AFDN: variants seen among roughly 807,000 people sequenced by gnomAD.
AFDN encodes afadin, adherens junction formation factor, also known as afadin.
Under a neutral mutation model 216.6 loss-of-function variants are expected in AFDN, and 68 were observed. The observed-to-expected ratio is 0.31, with a 90% CI of 0.26 to 0.38. The LOEUF is 0.38. Ranked by LOEUF, AFDN falls within the 10% of genes least tolerant of loss-of-function variation. AFDN has a pLI of 1.00. For missense variants in AFDN, 2,136 were observed against 2,342.0 expected, an observed-to-expected ratio of 0.91 and a Z score of 1.82; for synonymous variants, 868 against 853.7, an observed-to-expected ratio of 1.02 and a Z score of -0.29.
intron 11 of AFDN, among the ~76,000 whole-genome samples, chr6:167,900,955 CT>C (rs897663143): frequency 1.3e-5 from 2 of 152,166 alleles, no homozygotes; most frequent in Non-Finnish European, 2.9e-5. Flanking sequence ...ATTATTTGGC[CT>C]TTAGTAAAAA....
At chr6:167,886,333 A>G (rs997823417) in intron 6 of AFDN, among the ~76,000 whole-genome samples, 1 of 152,200 alleles carries the variant, frequency 6.6e-6, no homozygotes, top group African/African-American at 2.4e-5. Context: ...GAAATTTTAA[A>G]ATTTATACTT....
At chr6:167,937,842 T>G (rs1794198003) in intron 23 of AFDN, among the ~76,000 whole-genome samples, 1 of 152,248 alleles carries the variant, frequency 6.6e-6, no homozygotes, top group Admixed American at 6.5e-5. Context: ...CGGTTGCTTC[T>G]TAACTTACTA....
chr6:167,837,207 T>G lies in AFDN; in HGVS notation c.105+9970T>G, dbSNP rs536039364. On this transcript the variant is annotated intron_variant, in intron 1 of 33. Transcript: ENST00000683244. ...TTAAAGTATATTCTTGCAAATATGA[T>G]TAGACATGAAGGAGCTAGTATGTTT... is the stretch of plus-strand genomic sequence containing the variant. 3.9e-5 allele frequency among the ~76,000 whole-genome samples: 6 copies of G among 152,310 alleles called. No homozygotes were observed. In the South Asian group the frequency reaches 1.2e-3, roughly 32 times the overall value.
In AFDN at chr6:167,951,738, T is replaced by C; in HGVS notation, c.4384T>C (p.Ser1462Pro). Reference protein sequence around the residue: ...RTQSLNPAPFSPLTAQQMKPE... With the variant: ...RTQSLNPAPFPPLTAQQMKPE... The stretch of plus-strand genomic sequence containing the variant: ...TCAGTCCTTAAACCCTGCTCCGTTT[T>C]CTCCCCTGACTGCACAGCAGATGAA... Residue 1462 changes from serine to proline, a missense_variant, in exon 30 of 34, where the codon TCT becomes CCT. This residue lies in a region of AFDN where 981 missense variants were observed against 966.0 expected (regional missense o/e 1.02). Transcript: ENST00000683244. The surrounding 1 kb of genome is among the most constrained non-coding windows in gnomAD (Gnocchi z 7.1). The C allele has an allele frequency of 6.2e-7, 1 of 1,614,010 alleles. No individual in the cohort carries two copies. Among genetic ancestry groups the C allele is most frequent in the Non-Finnish European group, 8.5e-7 (1 of 1,179,976 alleles).
intron 8 of AFDN, among the ~76,000 whole-genome samples, chr6:167,893,361 A>ACT (rs1237359528): frequency 6.6e-6 from 1 of 152,206 alleles, no homozygotes; most frequent in Non-Finnish European, 1.5e-5. Flanking sequence ...ATGGATAAGT[A>ACT]CTGTATTTCC....
At chr6:167,923,799 A>T (rs546536408) in intron 22 of AFDN, among the ~76,000 whole-genome samples, 15 of 151,488 alleles carry the variant, frequency 9.9e-5, no homozygotes, top group Non-Finnish European at 4.4e-5. Flanking sequence ...ATTTTTTTGA[A>T]TTTTTAGTAG....
At chr6:167,901,762 GT>G (rs1309955674) in intron 11 of AFDN, among the ~76,000 whole-genome samples, 2 of 151,630 alleles carry the variant, frequency 1.3e-5, no homozygotes, top group African/African-American at 2.4e-5. Flanking sequence ...AAATAACCTG[GT>G]TTTTTATGTT....
At chr6:167,859,422 CAA>C (rs1216474461) in intron 1 of AFDN, among the ~76,000 whole-genome samples, 1 of 152,146 alleles carries the variant, frequency 6.6e-6, no homozygotes, top group Non-Finnish European at 1.5e-5. Flanking sequence ...GCATGTGTAA[CAA>C]AGTGGACAGT....
rs747608724 is a variant in AFDN at position 167,965,859 on chromosome 6, T to TGCC, written c.5075_5077dup (p.Arg1692dup). 1.9e-6 allele frequency: 3 copies of TGCC among 1,549,428 alleles called. No individual in the cohort carries two copies. The highest frequency in any genetic ancestry group is 3.9e-5 in the Admixed American group (2 of 51,000). ...GCTGGAGCCCGAGGCGCCCGGTCTG[T>TGCC]GCCGCCCTCCGCTTCCCCGGGACTA... On this transcript the variant is annotated inframe_insertion, in exon 32 of 34. Transcript: ENST00000683244.
intron 30 of AFDN, among the ~76,000 whole-genome samples, chr6:167,956,434 C>T (rs1189201609): frequency 2.0e-5 from 3 of 152,154 alleles, no homozygotes; most frequent in Non-Finnish European, 4.4e-5. Context: ...TGACCCATCA[C>T]CCCTGTCAGT....
chr6:167,894,240 A>G (rs2285242), intron 9 of AFDN, among the ~76,000 whole-genome samples: 16,259 of 152,124 alleles, frequency 0.11, 1,024 homozygotes, highest in South Asian at 0.23. Context: ...GTGCTCAGCC[A>G]GTCTGCCTCC....
intron 30 of AFDN, among the ~76,000 whole-genome samples, chr6:167,953,437 G>A (rs1334616536): frequency 6.6e-6 from 1 of 152,118 alleles, no homozygotes. Flanking sequence ...CAGCCAAAAT[G>A]TGTGTATATA....
At chr6:167,896,211 A>C (rs1299172299) in intron 9 of AFDN, among the ~76,000 whole-genome samples, 1 of 146,454 alleles carries the variant, frequency 6.8e-6, no homozygotes, top group Non-Finnish European at 1.5e-5. Context: ...ACAGTTCATA[A>C]AGGTATAAAA....
intron 23 of AFDN, among the ~76,000 whole-genome samples, chr6:167,931,263 T>A (rs947863399): frequency 6.6e-6 from 1 of 152,128 alleles, no homozygotes; most frequent in Non-Finnish European, 1.5e-5. Flanking sequence ...GCTGGACATA[T>A]GGAGGTGTGA....
At chr6:167,868,871 T>TC (rs1013868216) in intron 2 of AFDN, among the ~76,000 whole-genome samples, 3 of 150,764 alleles carry the variant, frequency 2.0e-5, no homozygotes, top group African/African-American at 7.3e-5. Flanking sequence ...CAAGTGATTC[T>TC]CCCCCCTCAG....
At chr6:167,864,240 T>G in intron 1 of AFDN, 1 of 573,614 alleles carries the variant, frequency 1.7e-6, no homozygotes, top group East Asian at 4.4e-5. Flanking sequence ...TGCATTCTTA[T>G]AAATATTGAG....
At chr6:167,876,533 C>T (rs1388088265) in intron 5 of AFDN, among the ~76,000 whole-genome samples, 1 of 152,176 alleles carries the variant, frequency 6.6e-6, no homozygotes, top group African/African-American at 2.4e-5. Context: ...GCTACATGTG[C>T]TAACCACGTA....
Position 167,966,538 on chromosome 6 carries a change from T to C in AFDN, c.5257+493T>C, listed in dbSNP as rs547975675. ...ATTTCTTTGATCAGCTGACAATCAG[T>C]CCTTCTCTGTTGTTCCCAAATCACT... On this transcript the variant is annotated intron_variant, in intron 32 of 33. Transcript: ENST00000683244. Among the ~76,000 whole-genome samples, 3 of 152,334 alleles carry C rather than the reference T, an allele frequency of 2.0e-5. No individual in the cohort carries two copies. The East Asian group carries it at 5.8e-4, about 29-fold the overall frequency.
intron 1 of AFDN, among the ~76,000 whole-genome samples, chr6:167,850,175 A>G (rs1782142721): frequency 6.6e-6 from 1 of 152,226 alleles, no homozygotes; most frequent in Admixed American, 6.5e-5. Context: ...AATTCCAGTT[A>G]TAAGGCAGTA....
Sources: allele counts gnomAD v4.1 joint callset (sites outside exome capture counted in the v4.1 genomes callset), GRCh38; gene constraint gnomAD v4.1.1; regional missense constraint gnomAD v4.1.1; non-coding constraint Gnocchi (gnomAD v3.1); transcripts MANE v1.5; gene names NCBI Gene and HGNC (gene_info 2026-07-23, HGNC 2026-07-21).